Variants in RYR3 observed in about 807,000 individuals in gnomAD.
The protein encoded by RYR3 is brain ryanodine receptor-calcium release channel.
RYR3 carries 207 observed loss-of-function variants against 584.3 expected under a neutral mutation model. The observed-to-expected ratio is 0.35, with a 90% CI of 0.32 to 0.40. The LOEUF (loss-of-function observed/expected upper bound fraction) is 0.40, where lower values mean the gene tolerates loss of function less well. RYR3 is among the 10% of genes least tolerant of loss of function. The pLI, the probability that RYR3 is intolerant of heterozygous loss-of-function variation, is 1.00. For missense variants in RYR3, 5,616 were observed against 6,089.2 expected (o/e 0.92, Z 2.59); for synonymous variants, 2,416 against 2,248.5 (o/e 1.07, Z -2.11).
chr15:33,419,114 T>C (rs1382072472), intron 1 of RYR3, among the ~76,000 whole-genome samples: 4 of 151,870 alleles, frequency 2.6e-5, no homozygotes, highest in Non-Finnish European at 5.9e-5. Context: ...AAGAAAGAGA[T>C]TAGAGATATA....
chr15:33,553,916 T>A (rs2056874282), intron 10 of RYR3, among the ~76,000 whole-genome samples: 1 of 152,196 alleles, frequency 6.6e-6, no homozygotes, highest in Admixed American at 6.5e-5. Context: ...CTCTTGCCAC[T>A]TGCCTGAGGT....
chr15:33,606,541 A>T (rs976814491), intron 18 of RYR3, among the ~76,000 whole-genome samples: 4 of 152,212 alleles, frequency 2.6e-5, no homozygotes, highest in African/African-American at 7.2e-5. Context: ...CTTTTTAGCC[A>T]TGGAAGCCTG....
chr15:33,724,256 C>T (rs1032133802), intron 45 of RYR3, 80 bp downstream of exon 45: 2 of 775,384 alleles, frequency 2.6e-6, no homozygotes, highest in Non-Finnish European at 4.2e-6. Context: ...CTCATTTCTT[C>T]CTCTGTCTCT....
chr15:33,519,436 C>T (rs1285877822), intron 3 of RYR3, among the ~76,000 whole-genome samples: 1 of 151,996 alleles, frequency 6.6e-6, no homozygotes, highest in Non-Finnish European at 1.5e-5. Context: ...ATCACTGGTC[C>T]AAAAGGATGC....
intron 16 of RYR3, among the ~76,000 whole-genome samples, chr15:33,598,724 T>C (rs189012544): frequency 2.7e-5 from 4 of 150,308 alleles, no homozygotes; most frequent in Admixed American, 2.0e-4. Flanking sequence ...GCAGGAAAAC[T>C]TGCCTTCCTG....
chr15:33,640,123 T>C (rs2061715886), intron 27 of RYR3, among the ~76,000 whole-genome samples: 3 of 152,174 alleles, frequency 2.0e-5, no homozygotes, highest in Non-Finnish European at 4.4e-5. Flanking sequence ...CCCATTGACC[T>C]GTCGGGTTTA....
At chr15:33,448,472 C>T (rs2046848121) in intron 1 of RYR3, among the ~76,000 whole-genome samples, 1 of 152,206 alleles carries the variant, frequency 6.6e-6, no homozygotes, top group Non-Finnish European at 1.5e-5. Context: ...CTATTGTAGA[C>T]CTCTCAGAGA....
intron 16 of RYR3, among the ~76,000 whole-genome samples, chr15:33,590,070 G>A (rs138450202): frequency 0.039 from 5,929 of 152,206 alleles, 174 homozygotes; most frequent in Non-Finnish European, 0.06. Flanking sequence ...AGTCAAAGGG[G>A]GTTGTTCTCT....
chr15:33,558,696 A>C (rs2057236732), intron 10 of RYR3, among the ~76,000 whole-genome samples: 1 of 152,206 alleles, frequency 6.6e-6, no homozygotes, highest in Non-Finnish European at 1.5e-5. Flanking sequence ...TGGCATTTTC[A>C]ATCTGGCAGG....
intron 99 of RYR3, chr15:33,858,694 G>C (rs902928340): frequency 6.6e-6 from 1 of 152,440 alleles, no homozygotes; most frequent in Non-Finnish European, 1.5e-5. Context: ...GTGGGGAGGG[G>C]GAGTCCCGTC....
chr15:33,487,197 C>CAA (rs1414140281), intron 2 of RYR3, among the ~76,000 whole-genome samples: 1 of 81,886 alleles, frequency 1.2e-5, no homozygotes. Flanking sequence ...GACTCCATCT[C>CAA]AAAGAAAAAA....
At chr15:33,586,426 C>T (rs2058849823) in intron 16 of RYR3, among the ~76,000 whole-genome samples, 1 of 152,146 alleles carries the variant, frequency 6.6e-6, no homozygotes, top group Non-Finnish European at 1.5e-5. Flanking sequence ...ATGGGACTGG[C>T]TTTCACCCTA....
intron 38 of RYR3, among the ~76,000 whole-genome samples, chr15:33,681,348 T>C (rs1299554295): frequency 2.0e-5 from 3 of 152,226 alleles, no homozygotes; most frequent in African/African-American, 4.8e-5. Context: ...CTCTTACGGT[T>C]CTGGAGGTCA....
chr15:33,821,323 GC>G lies in RYR3; in HGVS notation c.10870del (p.Arg3624ValfsTer10). ...TLYQQARLHERGAAEMVLQMI... is the reference protein window; with the variant it reads ...TLYQQARLHEXGAAEMVLQMI... ...TCTATCAGCAAGCTCGGCTGCATGA[GC>G]GTGGTGCTGCAGAGATGGTCCTTCA... On this transcript the variant is annotated frameshift_variant, in exon 79 of 104. Transcript: ENST00000634891. LOFTEE classifies it high-confidence loss of function. 1 of 1,604,668 alleles carries G rather than the reference GC, an allele frequency of 6.2e-7. No individual in the cohort carries two copies. The highest frequency in any genetic ancestry group is 8.5e-7 in the Non-Finnish European group (1 of 1,175,712).
intron 10 of RYR3, among the ~76,000 whole-genome samples, chr15:33,555,792 A>G (rs1360920972): frequency 6.6e-6 from 1 of 152,190 alleles, no homozygotes; most frequent in Non-Finnish European, 1.5e-5. Flanking sequence ...ACTTCTGCTG[A>G]AGAAATATGC....
At chr15:33,507,180 G>T (rs758096394) in intron 3 of RYR3, among the ~76,000 whole-genome samples, 1 of 152,298 alleles carries the variant, frequency 6.6e-6, no homozygotes, top group East Asian at 1.9e-4. Flanking sequence ...GTTTACTCAC[G>T]TGTTGAGTGT....
chr15:33,584,550 A>C (rs562893031), intron 15 of RYR3, 60 bp downstream of exon 15: 7 of 753,954 alleles, frequency 9.3e-6, no homozygotes, highest in African/African-American at 9.0e-5. Context: ...TTCTTTCTGT[A>C]AAAAAAGAAA....
At chr15:33,862,357 C>T (rs1489641046) in intron 102 of RYR3, among the ~76,000 whole-genome samples, 1 of 134,636 alleles carries the variant, frequency 7.4e-6, no homozygotes, top group Non-Finnish European at 1.6e-5. Flanking sequence ...AGGTGTACCA[C>T]TAATTTAGCA....
At position 33,539,468 on chromosome 15, in the gene RYR3, T is replaced by C; in HGVS notation, c.546+6T>C. ...TGTCCTCTGAAAGATACCTTGTAAG[T>C]ACCTCATAATATAAGAGTCTTCTGT... On this transcript the variant is annotated splice_donor_region_variant and intron_variant, in intron 6 of 103. Coordinates refer to ENST00000634891, the MANE Select transcript of RYR3 (RefSeq NM_001036.6). 6.5e-7 allele frequency: 1 copy of C among 1,527,166 alleles called. No homozygotes were observed. The highest frequency in any genetic ancestry group is 9.0e-7 in the Non-Finnish European group (1 of 1,114,352). The allele number at this position is 1,527,166 out of a possible 1,614,324, so 94.6% of individuals were successfully genotyped here. A position where few individuals can be genotyped will look rare whatever the true frequency, so the allele number is the denominator to read the frequency against.
Sources: allele counts gnomAD v4.1 joint callset (sites outside exome capture counted in the v4.1 genomes callset), GRCh38; gene constraint gnomAD v4.1.1; transcripts MANE v1.5; gene names NCBI Gene and HGNC (gene_info 2026-07-23, HGNC 2026-07-21).